PPME1: variants seen among roughly 807,000 people sequenced by gnomAD.
PPME1 encodes protein phosphatase methylesterase 1.
PPME1 carries 17 observed loss-of-function variants against 56.9 expected under a neutral mutation model. The ratio of observed to expected loss-of-function variants is 0.30; its 90% CI spans 0.20 to 0.45. The LOEUF (loss-of-function observed/expected upper bound fraction) is 0.45. Ranked by LOEUF, PPME1 falls within the 20% of genes least tolerant of loss-of-function variation. The pLI, the probability that PPME1 is intolerant of heterozygous loss-of-function variation, is 1.00. For synonymous variants in PPME1, 122 were observed against 156.2 expected, an observed-to-expected ratio of 0.78 and a Z score of 1.63; for missense variants, 357 against 483.2, an observed-to-expected ratio of 0.74 and a Z score of 2.45.
intron 3 of PPME1, among the ~76,000 whole-genome samples, chr11:74,221,074 A>G (rs905461831): frequency 8.5e-5 from 13 of 152,282 alleles, no homozygotes; most frequent in African/African-American, 3.1e-4. Flanking sequence ...AAATAAATGA[A>G]AATTTTGTTT....
intron 8 of PPME1, chr11:74,238,019 C>T (rs1296247908): frequency 2.0e-5 from 3 of 152,124 alleles, no homozygotes; most frequent in Non-Finnish European, 4.4e-5. Context: ...AATAAGTAAA[C>T]CTATGTGTAG....
At chr11:74,244,897 G>T (rs1859467086) in intron 9 of PPME1, among the ~76,000 whole-genome samples, 1 of 152,152 alleles carries the variant, frequency 6.6e-6, no homozygotes, top group African/African-American at 2.4e-5. Flanking sequence ...TAAGGCCCCA[G>T]CTTCACTTTG....
At chr11:74,227,882 C>T (rs1044752096) in intron 5 of PPME1, among the ~76,000 whole-genome samples, 1 of 152,090 alleles carries the variant, frequency 6.6e-6, no homozygotes, top group Non-Finnish European at 1.5e-5. Flanking sequence ...ATATGCCTTT[C>T]TTAAGCTCAG....
At chr11:74,219,674 T>C (rs1448736425) in intron 3 of PPME1, among the ~76,000 whole-genome samples, 1 of 152,106 alleles carries the variant, frequency 6.6e-6, no homozygotes, top group Non-Finnish European at 1.5e-5. Flanking sequence ...CACTTACTTA[T>C]GGGAGCTAAA....
At chr11:74,222,666 T>C (rs1238478257) in intron 4 of PPME1, 1 of 338,158 alleles carries the variant, frequency 3.0e-6, no homozygotes. Flanking sequence ...TTTTTGTATT[T>C]TTAGTAGAGA....
chr11:74,218,239 A>G (rs1858708398), intron 3 of PPME1, among the ~76,000 whole-genome samples: 1 of 152,204 alleles, frequency 6.6e-6, no homozygotes, highest in South Asian at 2.1e-4. Context: ...TAAAACACTG[A>G]TGAAAGAAAT....
chr11:74,176,257 A>G (rs934478368), intron 1 of PPME1, among the ~76,000 whole-genome samples: 1 of 152,130 alleles, frequency 6.6e-6, no homozygotes, highest in Non-Finnish European at 1.5e-5. Flanking sequence ...CTGTATGTTT[A>G]TTCATATCTG....
intron 3 of PPME1, among the ~76,000 whole-genome samples, chr11:74,219,830 C>T (rs954991458): frequency 6.6e-6 from 1 of 152,000 alleles, no homozygotes; most frequent in Non-Finnish European, 1.5e-5. Flanking sequence ...TGAATAAGAT[C>T]TTGTATTTGA....
chr11:74,217,507 C>T (rs142746425), intron 3 of PPME1, among the ~76,000 whole-genome samples: 2,611 of 148,160 alleles, frequency 0.018, 42 homozygotes, highest in Non-Finnish European at 0.029. Flanking sequence ...ATGCCGCTGC[C>T]CTCTATCCTG....
intron 4 of PPME1, among the ~76,000 whole-genome samples, chr11:74,224,662 C>G (rs1292027531): frequency 4.4e-4 from 63 of 143,020 alleles, no homozygotes; most frequent in African/African-American, 1.7e-3. Context: ...TCCTTCACAT[C>G]CCTTGTAAGT....
intron 1 of PPME1, among the ~76,000 whole-genome samples, chr11:74,185,276 G>C (rs1857648923): frequency 6.6e-6 from 1 of 152,062 alleles, no homozygotes; most frequent in Non-Finnish European, 1.5e-5. Context: ...GGGATTACAG[G>C]TGTGAGCCAC....
Position 74,239,182 on chromosome 11 carries a change from A to G in PPME1, c.760A>G (p.Ile254Val), listed in dbSNP as rs1859281252. 1 of 1,613,610 alleles carries G rather than the reference A, an allele frequency of 6.2e-7. No individual in the cohort carries two copies. The highest frequency in any genetic ancestry group is 8.5e-7 in the Non-Finnish European group (1 of 1,179,760). ...PEGSKSIVEGIIEEEEEDEEG... is the reference protein window; with the variant it reads ...PEGSKSIVEGVIEEEEEDEEG... ...AGGCTCAAAATCTATAGTGGAAGGA[A>G]TCATAGAGGAAGAAGAAGAAGATGA... Residue 254 changes from isoleucine to valine, a missense_variant, in exon 9 of 14, where the codon ATC becomes GTC. By Grantham distance (29) the Ile-to-Val change is conservative (BLOSUM62 3). Transcript: ENST00000328257.
At chr11:74,225,022 C>T (rs1472745255) in intron 4 of PPME1, among the ~76,000 whole-genome samples, 183 bp from the exon 5 acceptor site, 1 of 152,150 alleles carries the variant, frequency 6.6e-6, no homozygotes, top group Non-Finnish European at 1.5e-5. Context: ...TGCTAGGCTA[C>T]TGTAATTATC....
chr11:74,227,791 C>T (rs1232399055), intron 5 of PPME1, among the ~76,000 whole-genome samples: 3 of 151,964 alleles, frequency 2.0e-5, no homozygotes, highest in African/African-American at 7.2e-5. Context: ...ACTGAATGCT[C>T]TGCTTGATTT....
chr11:74,195,143 G>T (rs1227519300), intron 1 of PPME1, among the ~76,000 whole-genome samples: 1 of 152,150 alleles, frequency 6.6e-6, no homozygotes, highest in East Asian at 1.9e-4. Context: ...TATATGTACA[G>T]TTCAAAGAAT....
chr11:74,229,741 C>T (rs748427588), intron 5 of PPME1, among the ~76,000 whole-genome samples: 12 of 152,018 alleles, frequency 7.9e-5, no homozygotes, highest in Admixed American at 2.6e-4. Flanking sequence ...TTATAGATGT[C>T]GAAACTCAGT....
chr11:74,198,717 G>A lies in PPME1; in HGVS notation c.102-5011G>A, dbSNP rs115570835. 1,279 of 152,268 alleles carry A rather than the reference G, an allele frequency of 8.4e-3. 10 individuals are homozygous for A. Among genetic ancestry groups the A allele is most frequent in the African/African-American group, 0.028 (1,179 of 41,506 alleles). The allele number at this position is 152,268 out of a possible 1,614,324, so 9.4% of individuals were successfully genotyped here. A position where few individuals can be genotyped will look rare whatever the true frequency, so the allele number is the denominator to read the frequency against. On this transcript the variant is annotated intron_variant, in intron 1 of 13. Coordinates refer to ENST00000328257, the MANE Select transcript of PPME1 (RefSeq NM_016147.3). ...ATCCTCCCCCCTTGACCTCCAAAGTGCTGGGATTGCAGGCATCAGCCACCA... is the reference window on the plus strand; with the variant it reads ...ATCCTCCCCCCTTGACCTCCAAAGTACTGGGATTGCAGGCATCAGCCACCA...
intron 3 of PPME1, among the ~76,000 whole-genome samples, chr11:74,207,120 G>C (rs1858349056): frequency 6.7e-6 from 1 of 149,936 alleles, no homozygotes; most frequent in Non-Finnish European, 1.5e-5. Flanking sequence ...GCAGAAACTA[G>C]AGACCTATTT....
chr11:74,195,635 A>G (rs1398673761), intron 1 of PPME1, among the ~76,000 whole-genome samples: 1 of 152,200 alleles, frequency 6.6e-6, no homozygotes, highest in Admixed American at 6.5e-5. Flanking sequence ...ACCAGGTTGA[A>G]GGACACCTGT....
Sources: gnomAD v4.1 joint callset for allele counts (sites outside exome capture counted in the v4.1 genomes callset) on GRCh38, gnomAD v4.1.1 for gene constraint, MANE v1.5 for transcripts, NCBI Gene and HGNC (gene_info 2026-07-23, HGNC 2026-07-21) for gene names.